Variants in GRM7 observed in about 807,000 individuals in gnomAD.
GRM7 encodes the protein metabotropic glutamate receptor 7.
In GRM7, 35 loss-of-function variants were observed where a neutral mutation model predicts 84.5. The observed-to-expected ratio is 0.41, with a 90% CI of 0.32 to 0.55. The LOEUF is 0.55. Among genes scored for constraint, GRM7 ranks in the 20% least tolerant of loss-of-function variants. The probability of loss-of-function intolerance (pLI) is 0.19; values close to 1 mark genes in which losing one functional copy is unlikely to be tolerated. For synonymous variants in GRM7, 487 were observed against 455.1 expected (o/e 1.07, Z -0.89); for missense variants, 1,003 against 1,194.6 (o/e 0.84, Z 2.36).
chr3:7,214,869 A>G (rs1388937041), intron 2 of GRM7, among the ~76,000 whole-genome samples: 2 of 152,252 alleles, frequency 1.3e-5, no homozygotes, highest in African/African-American at 4.8e-5. Context: ...TAAGAAGGTT[A>G]CAGAGTTTGT....
intron 4 of GRM7, among the ~76,000 whole-genome samples, chr3:7,348,849 C>T (rs1461882110): frequency 6.6e-6 from 1 of 152,062 alleles, no homozygotes; most frequent in East Asian, 1.9e-4. Context: ...TATGCTGTGG[C>T]CTCCTAGTTC....
At chr3:7,419,505 C>T (rs1696309761) in intron 5 of GRM7, among the ~76,000 whole-genome samples, 1 of 152,144 alleles carries the variant, frequency 6.6e-6, no homozygotes, top group Admixed American at 6.6e-5. Context: ...TCATCTTCTT[C>T]CGAGAAGCTG....
intron 1 of GRM7, among the ~76,000 whole-genome samples, chr3:7,087,105 A>G (rs1326752001): frequency 6.6e-6 from 1 of 152,174 alleles, no homozygotes; most frequent in Non-Finnish European, 1.5e-5. Flanking sequence ...TTTAGGGGTA[A>G]TGTTTCAAAA....
chr3:7,576,206 G>A (rs920313998), intron 7 of GRM7, among the ~76,000 whole-genome samples: 3 of 152,118 alleles, frequency 2.0e-5, no homozygotes, highest in East Asian at 1.9e-4. Flanking sequence ...AAGTTAATGC[G>A]ATCTTTCTCT....
intron 1 of GRM7, among the ~76,000 whole-genome samples, chr3:7,009,728 C>G (rs1012463625): frequency 2.0e-5 from 3 of 152,166 alleles, no homozygotes; most frequent in African/African-American, 7.2e-5. Flanking sequence ...ATAGAAGTAG[C>G]TGTCACCTTT....
At chr3:7,387,080 A>T (rs1051030664) in intron 4 of GRM7, among the ~76,000 whole-genome samples, 3 of 152,048 alleles carry the variant, frequency 2.0e-5, no homozygotes, top group African/African-American at 7.2e-5. Context: ...TGAGAAACAG[A>T]CATTTCTCAA....
intron 1 of GRM7, among the ~76,000 whole-genome samples, chr3:7,144,029 A>C (rs1477038589): frequency 1.3e-5 from 2 of 152,152 alleles, no homozygotes; most frequent in East Asian, 3.9e-4. Flanking sequence ...TATGGGCTTT[A>C]CTGAGGCGCT....
chr3:7,181,081 C>G (rs1357685283), intron 2 of GRM7, among the ~76,000 whole-genome samples: 8 of 152,112 alleles, frequency 5.3e-5, no homozygotes, highest in Admixed American at 5.2e-4. Flanking sequence ...ACTCATTAAC[C>G]ATATTTTTAT....
chr3:7,607,159 T>C (rs1332106104), intron 8 of GRM7: 1 of 152,192 alleles, frequency 6.6e-6, no homozygotes, highest in Non-Finnish European at 1.5e-5. Context: ...TTCGGACAGG[T>C]CTCAGGGCTG....
chr3:6,872,594 T>C (rs1430364281), intron 1 of GRM7, among the ~76,000 whole-genome samples: 3 of 152,164 alleles, frequency 2.0e-5, no homozygotes, highest in Admixed American at 6.5e-5. Context: ...GTATTTCTCC[T>C]AATGCTATCC....
intron 1 of GRM7, among the ~76,000 whole-genome samples, chr3:6,896,167 T>G (rs1696175188): frequency 6.6e-6 from 1 of 152,182 alleles, no homozygotes; most frequent in African/African-American, 2.4e-5. Flanking sequence ...GAATTGGAGC[T>G]GTGCTGTGCT....
chr3:7,434,851 G>A (rs552369451), intron 5 of GRM7, among the ~76,000 whole-genome samples: 1 of 152,194 alleles, frequency 6.6e-6, no homozygotes, highest in South Asian at 2.1e-4. Context: ...CTCTGAAAGA[G>A]TTCATGCATA....
intron 2 of GRM7, among the ~76,000 whole-genome samples, chr3:7,231,584 G>A (rs549172521): frequency 6.6e-6 from 1 of 152,298 alleles, no homozygotes; most frequent in South Asian, 2.1e-4. Flanking sequence ...CACTTGAACA[G>A]TAAACAATTA....
intron 2 of GRM7, among the ~76,000 whole-genome samples, chr3:7,270,018 G>T (rs1480857908): frequency 6.6e-6 from 1 of 152,168 alleles, no homozygotes; most frequent in African/African-American, 2.4e-5. Flanking sequence ...TGGAAGGCTT[G>T]TTAATACACC....
rs530416108 is a variant in GRM7 at position 7,551,228 on chromosome 3, T to C, written c.1516-27194T>C. On this transcript the variant is annotated intron_variant, in intron 7 of 9. Transcript: ENST00000357716. ...AAAATTTGTTTTCTGCTCAGGATAA[T>C]AAAAATAATGCCCACATTAAAAATT... 2.0e-5 allele frequency among the ~76,000 whole-genome samples: 3 copies of C among 152,228 alleles called. No homozygotes were observed. In the East Asian group the frequency reaches 5.8e-4, roughly 29 times the overall value.
At chr3:7,418,986 AG>A (rs1559308767) in intron 5 of GRM7, among the ~76,000 whole-genome samples, 1 of 152,176 alleles carries the variant, frequency 6.6e-6, no homozygotes, top group East Asian at 1.9e-4. Context: ...ATTTAAATAA[AG>A]GGTCTGAAAT....
In GRM7 at chr3:7,662,022, G is replaced by T. The variant is rs61514824; in HGVS notation, c.2452-18027G>T. 1.1e-4 allele frequency among the ~76,000 whole-genome samples: 17 copies of T among 151,830 alleles called. No homozygotes were observed. The East Asian group carries it at 3.1e-3, about 28-fold the overall frequency. ...CCCAAATGTCTGTAACAGATGAAAG[G>T]AAAAACAAATCATAGTATATCCTTG... On this transcript the variant is annotated intron_variant, in intron 8 of 9. Transcript: ENST00000357716.
At chr3:7,218,505 G>C (rs754655047) in intron 2 of GRM7, among the ~76,000 whole-genome samples, 3 of 151,876 alleles carry the variant, frequency 2.0e-5, no homozygotes, top group East Asian at 1.9e-4. Flanking sequence ...TTTATTGTGG[G>C]GTGGGAATAG....
At chr3:7,294,294 A>G (rs1699739224) in intron 2 of GRM7, among the ~76,000 whole-genome samples, 1 of 152,102 alleles carries the variant, frequency 6.6e-6, no homozygotes, top group Admixed American at 6.5e-5. Context: ...CTGGGTTTCC[A>G]TCCAAAATTA....
Sources: gnomAD v4.1 joint callset for allele counts (sites outside exome capture counted in the v4.1 genomes callset) on GRCh38, gnomAD v4.1.1 for gene constraint, MANE v1.5 for transcripts, NCBI Gene and HGNC (gene_info 2026-07-23, HGNC 2026-07-21) for gene names.